Variants in SIPA1L1 observed in about 807,000 individuals in gnomAD.
SIPA1L1 encodes the protein signal-induced proliferation-associated 1-like protein 1.
Under a neutral mutation model 162.7 loss-of-function variants are expected in SIPA1L1, and 26 were observed. That is an observed-to-expected ratio of 0.16 (90% CI 0.12 to 0.22). The LOEUF is 0.22. Ranked by LOEUF, SIPA1L1 falls within the 10% of genes least tolerant of loss-of-function variation. The pLI is 1.00. For synonymous variants in SIPA1L1, 829 were observed against 837.4 expected, an observed-to-expected ratio of 0.99 and a Z score of 0.17; for missense variants, 1,874 against 2,241.0, an observed-to-expected ratio of 0.84 and a Z score of 3.31.
At chr14:71,484,614 A>G (rs753883881) in intron 2 of SIPA1L1, among the ~76,000 whole-genome samples, 4 of 152,180 alleles carry the variant, frequency 2.6e-5, no homozygotes, top group Non-Finnish European at 5.9e-5. Flanking sequence ...GTTGGTGATT[A>G]TTAGAATCAG....
At chr14:71,392,385 G>A (rs1256483977) in intron 2 of SIPA1L1, among the ~76,000 whole-genome samples, 1 of 152,250 alleles carries the variant, frequency 6.6e-6, no homozygotes, top group Admixed American at 6.5e-5. Context: ...TCAGTGCCTT[G>A]CTGTTTCTTC....
intron 2 of SIPA1L1, among the ~76,000 whole-genome samples, chr14:71,322,826 A>C (rs1334145688): frequency 6.6e-6 from 1 of 152,196 alleles, no homozygotes; most frequent in Non-Finnish European, 1.5e-5. Context: ...GAGTGGCTTG[A>C]GACAGTCAGT....
chr14:71,738,698 A>G (rs1304113804), intron 23 of SIPA1L1, among the ~76,000 whole-genome samples: 1 of 152,178 alleles, frequency 6.6e-6, no homozygotes, highest in African/African-American at 2.4e-5. Context: ...CCTTGACTAT[A>G]TATCAAGACA....
chr14:71,356,567 C>CCAAAAAAAAAAAAAAAAAAAA (rs777415215), intron 2 of SIPA1L1, among the ~76,000 whole-genome samples: 9 of 39,174 alleles, frequency 2.3e-4, no homozygotes, highest in African/African-American at 8.7e-4. Flanking sequence ...CTTGTCTCTA[C>CCAAAAAAAAAAAAAAAAAAAA]AAAAAAAAAA....
intron 6 of SIPA1L1, among the ~76,000 whole-genome samples, chr14:71,623,125 T>C (rs1178770242): frequency 6.6e-6 from 1 of 152,218 alleles, no homozygotes; most frequent in African/African-American, 2.4e-5. Context: ...CTGTCTGAGG[T>C]CCTGACCTTG....
chr14:71,544,056 TATGTATATACACACGCACGCAC>T (rs1179600516), intron 4 of SIPA1L1, among the ~76,000 whole-genome samples: 1 of 151,468 alleles, frequency 6.6e-6, no homozygotes, highest in Non-Finnish European at 1.5e-5. Context: ...CACGCACATG[TATGTATATACACACGCACGCAC>T]ATGTATGTAT....
At chr14:71,508,843 T>G (rs1488612667) in intron 2 of SIPA1L1, among the ~76,000 whole-genome samples, 1 of 152,226 alleles carries the variant, frequency 6.6e-6, no homozygotes, top group Non-Finnish European at 1.5e-5. Context: ...CATAGATTTA[T>G]TTGTAGTAAG....
At chr14:71,569,746 G>A (rs1207213518) in intron 4 of SIPA1L1, among the ~76,000 whole-genome samples, 1 of 152,204 alleles carries the variant, frequency 6.6e-6, no homozygotes, top group Admixed American at 6.5e-5. Context: ...CAAGTAGGCT[G>A]GTGTGGTGTT....
At chr14:71,681,952 G>C (rs958093988) in intron 12 of SIPA1L1, among the ~76,000 whole-genome samples, 1 of 152,234 alleles carries the variant, frequency 6.6e-6, no homozygotes, top group Non-Finnish European at 1.5e-5. Flanking sequence ...TGTAATTCCT[G>C]CTGGCCATAG....
At chr14:71,348,458 CG>C (rs1236867394) in intron 2 of SIPA1L1, among the ~76,000 whole-genome samples, 5 of 152,016 alleles carry the variant, frequency 3.3e-5, no homozygotes, top group Non-Finnish European at 5.9e-5. Context: ...AATAGTTTTC[CG>C]TTGTATCAAT....
At chr14:71,711,120 A>C (rs2082847192) in intron 17 of SIPA1L1, among the ~76,000 whole-genome samples, 1 of 152,248 alleles carries the variant, frequency 6.6e-6, no homozygotes, top group South Asian at 2.1e-4. Context: ...AGATCTCAAA[A>C]TGATGGTGAT....
chr14:71,738,186 A>G (rs12886791), intron 22 of SIPA1L1, 55 bp from the exon 23 acceptor site: 2 of 572,574 alleles, frequency 3.5e-6, no homozygotes, highest in Admixed American at 3.9e-5. Context: ...AAAAAAAAAA[A>G]CAAACCCAGC....
At chr14:71,519,560 C>T (rs1373555645) in intron 3 of SIPA1L1, among the ~76,000 whole-genome samples, 1 of 151,322 alleles carries the variant, frequency 6.6e-6, no homozygotes, top group East Asian at 2.0e-4. Context: ...TACAGCAGCT[C>T]ATGCTTGTAA....
intron 14 of SIPA1L1, among the ~76,000 whole-genome samples, chr14:71,699,854 G>A (rs2081951137): frequency 6.6e-6 from 1 of 152,230 alleles, no homozygotes; most frequent in South Asian, 2.1e-4. Flanking sequence ...GGCCTCATGA[G>A]GCAGAGTCCT....
At chr14:71,670,982 G>C in intron 10 of SIPA1L1, 137 bp from the exon 11 acceptor site, 1 of 708,106 alleles carries the variant, frequency 1.4e-6, no homozygotes, top group Non-Finnish European at 2.4e-6. Flanking sequence ...AAGCAGAAAT[G>C]TGTGTTGTTT....
intron 6 of SIPA1L1, among the ~76,000 whole-genome samples, chr14:71,623,573 T>C (rs2039666255): frequency 6.6e-6 from 1 of 152,236 alleles, no homozygotes; most frequent in Admixed American, 6.5e-5. Context: ...ATATGAATAG[T>C]TTATGCTTGT....
At chr14:71,550,043 G>A (rs1265119142) in intron 4 of SIPA1L1, among the ~76,000 whole-genome samples, 1 of 151,944 alleles carries the variant, frequency 6.6e-6, no homozygotes, top group African/African-American at 2.4e-5. Context: ...AGAATCACTT[G>A]AAGCCAAGAC....
chr14:71,663,290 A>C (rs2043703272), intron 10 of SIPA1L1, among the ~76,000 whole-genome samples: 1 of 152,156 alleles, frequency 6.6e-6, no homozygotes, highest in African/African-American at 2.4e-5. Flanking sequence ...TTTTGGACTA[A>C]GTCTTTGTAA....
At chr14:71,450,277 C>CTTGTACTGATA (rs1318762293) in intron 2 of SIPA1L1, among the ~76,000 whole-genome samples, 2 of 152,076 alleles carry the variant, frequency 1.3e-5, no homozygotes, top group Admixed American at 6.6e-5. Context: ...TCTCATCACC[C>CTTGTACTGATA]TTGTACTGAT....
Sources: gnomAD v4.1 joint callset for allele counts (sites outside exome capture counted in the v4.1 genomes callset) on GRCh38, gnomAD v4.1.1 for gene constraint, MANE v1.5 for transcripts, NCBI Gene and HGNC (gene_info 2026-07-23, HGNC 2026-07-21) for gene names.